KIF6: variants seen among roughly 807,000 people sequenced by gnomAD.
KIF6 encodes kinesin family member 6.
In KIF6, 106 loss-of-function variants were observed where a neutral mutation model predicts 112.7. The ratio of observed to expected loss-of-function variants is 0.94; its 90% CI spans 0.80 to 1.11. The LOEUF (loss-of-function observed/expected upper bound fraction) is 1.11, where lower values mean the gene tolerates loss of function less well. Among genes scored for constraint, KIF6 ranks in the 50% least tolerant of loss-of-function variants. The pLI is 0.00. For synonymous variants in KIF6, 339 were observed against 339.9 expected, an observed-to-expected ratio of 1.00 and a Z score of 0.03; for missense variants, 929 against 964.0, an observed-to-expected ratio of 0.96 and a Z score of 0.48.
Position 39,455,128 on chromosome 6 carries a change from G to A in KIF6, c.1646-23967C>T, listed in dbSNP as rs1772978794. 2.0e-5 allele frequency among the ~76,000 whole-genome samples: 3 copies of A among 152,200 alleles called. No homozygotes were observed. In the South Asian group the frequency reaches 6.2e-4, roughly 32 times the overall value. ...CAGACTTAAATGTCCCTGTCTGACA[G>A]CTTTGAAGAGAGCAGTGGTTCTCAT... On this transcript the variant is annotated intron_variant, in intron 13 of 22. Coordinates refer to ENST00000287152, the MANE Select transcript of KIF6 (RefSeq NM_145027.6).
intron 6 of KIF6, among the ~76,000 whole-genome samples, chr6:39,606,338 C>G (rs1181267840): frequency 1.3e-5 from 2 of 152,036 alleles, no homozygotes; most frequent in Non-Finnish European, 2.9e-5. Flanking sequence ...CTTTAAATAA[C>G]ATACTTAAGA....
At chr6:39,431,925 C>T (rs60509814) in intron 13 of KIF6, among the ~76,000 whole-genome samples, 3,629 of 151,984 alleles carry the variant, frequency 0.024, 144 homozygotes, top group African/African-American at 0.083. Context: ...GAGCTGAATT[C>T]ACCGCTGGAT....
At chr6:39,466,444 C>T (rs955783529) in intron 13 of KIF6, among the ~76,000 whole-genome samples, 1 of 152,188 alleles carries the variant, frequency 6.6e-6, no homozygotes, top group African/African-American at 2.4e-5. Context: ...CAAAGAACAA[C>T]AACAAAAACC....
At chr6:39,618,026 G>A (rs1379359431) in intron 5 of KIF6, among the ~76,000 whole-genome samples, 1 of 152,180 alleles carries the variant, frequency 6.6e-6, no homozygotes, top group Non-Finnish European at 1.5e-5. Flanking sequence ...AGTATGTAAG[G>A]TGACCCCTCC....
At chr6:39,616,561 C>T (rs920681669) in intron 5 of KIF6, among the ~76,000 whole-genome samples, 1 of 152,216 alleles carries the variant, frequency 6.6e-6, no homozygotes, top group Non-Finnish European at 1.5e-5. Context: ...GAAACACAAT[C>T]TTCCCTCACC....
chr6:39,505,343 A>G (rs560141419), intron 13 of KIF6, among the ~76,000 whole-genome samples: 2 of 152,334 alleles, frequency 1.3e-5, no homozygotes, highest in South Asian at 4.2e-4. Context: ...ACATACAAAA[A>G]TCAACTCAAG....
chr6:39,336,067 C>A lies in KIF6; in HGVS notation c.*465G>T. 6.4e-6 allele frequency: 1 copy of A among 155,328 alleles called. No individual in the cohort carries two copies. The highest frequency in any genetic ancestry group is 1.4e-5 in the Non-Finnish European group (1 of 70,222). The allele number at this position is 155,328 out of a possible 1,614,324, so 9.6% of individuals were successfully genotyped here. A position where few individuals can be genotyped will look rare whatever the true frequency, so the allele number is the denominator to read the frequency against. ...GACATCCTGCCTGGACCTGTCATGG[C>A]CATTTCTGGGCTTCCAAACCAGAGC... On this transcript the variant is annotated 3_prime_UTR_variant, in exon 23 of 23. Coordinates refer to ENST00000287152, the MANE Select transcript of KIF6 (RefSeq NM_145027.6).
chr6:39,676,969 A>C (rs1787179316), intron 3 of KIF6, among the ~76,000 whole-genome samples: 4 of 152,084 alleles, frequency 2.6e-5, no homozygotes, highest in Admixed American at 2.6e-4. Context: ...TTATAAAGAG[A>C]CTCAACTAAA....
At chr6:39,722,947 A>C (rs2113910611) in intron 1 of KIF6, among the ~76,000 whole-genome samples, 1 of 152,276 alleles carries the variant, frequency 6.6e-6, no homozygotes, top group East Asian at 1.9e-4. Flanking sequence ...AGAGAAAAGA[A>C]AGTTCAGTAT....
chr6:39,507,171 T>C (rs1776468529), intron 13 of KIF6, among the ~76,000 whole-genome samples: 1 of 151,980 alleles, frequency 6.6e-6, no homozygotes, highest in African/African-American at 2.4e-5. Flanking sequence ...GCATCAGAAG[T>C]GGTGGCAGTG....
intron 15 of KIF6, among the ~76,000 whole-genome samples, chr6:39,416,413 C>T (rs79393900): frequency 0.034 from 5,137 of 152,134 alleles, 143 homozygotes; most frequent in Non-Finnish European, 0.046. Flanking sequence ...GAAAAGCAGC[C>T]GAATGATCTT....
At chr6:39,495,378 T>C (rs1332085284) in intron 13 of KIF6, among the ~76,000 whole-genome samples, 3 of 152,154 alleles carry the variant, frequency 2.0e-5, no homozygotes, top group Non-Finnish European at 4.4e-5. Context: ...GGCAGCAGGA[T>C]TGGGCTCAGT....
At chr6:39,398,142 A>G (rs1445526837) in intron 15 of KIF6, among the ~76,000 whole-genome samples, 1 of 152,214 alleles carries the variant, frequency 6.6e-6, no homozygotes, top group Non-Finnish European at 1.5e-5. Flanking sequence ...GAATATAAAA[A>G]TATTTGTAGG....
chr6:39,697,832 G>A (rs1203747679), intron 3 of KIF6, among the ~76,000 whole-genome samples: 1 of 152,118 alleles, frequency 6.6e-6, no homozygotes, highest in Non-Finnish European at 1.5e-5. Context: ...ACAGGCATGA[G>A]CCACCGTGCC....
intron 19 of KIF6, among the ~76,000 whole-genome samples, chr6:39,355,149 G>A (rs898782593): frequency 1.3e-5 from 2 of 152,124 alleles, no homozygotes; most frequent in African/African-American, 4.8e-5. Context: ...TCACACTGCT[G>A]TACTCCAGCA....
chr6:39,526,846 A>T (rs1258189679), intron 13 of KIF6, among the ~76,000 whole-genome samples: 1 of 152,244 alleles, frequency 6.6e-6, no homozygotes, highest in Non-Finnish European at 1.5e-5. Context: ...CAAAGATCAA[A>T]GTGTGGTCAG....
intron 13 of KIF6, among the ~76,000 whole-genome samples, chr6:39,527,773 G>T (rs138538966): frequency 1.3e-5 from 2 of 151,952 alleles, no homozygotes; most frequent in Non-Finnish European, 2.9e-5. Context: ...AACTCTACAC[G>T]GGTTTCCTTG....
intron 3 of KIF6, among the ~76,000 whole-genome samples, chr6:39,705,324 C>A (rs1373247272): frequency 6.6e-6 from 1 of 152,166 alleles, no homozygotes; most frequent in Non-Finnish European, 1.5e-5. Context: ...ACTTTGAGAA[C>A]CACTGGCCTA....
At chr6:39,592,719 G>A (rs915277225) in intron 7 of KIF6, among the ~76,000 whole-genome samples, 2 of 152,106 alleles carry the variant, frequency 1.3e-5, no homozygotes, top group African/African-American at 4.8e-5. Flanking sequence ...TGTTTTTGAG[G>A]AAACTTTTTG....
Sources: allele counts gnomAD v4.1 joint callset (sites outside exome capture counted in the v4.1 genomes callset), GRCh38; gene constraint gnomAD v4.1.1; transcripts MANE v1.5; gene names NCBI Gene and HGNC (gene_info 2026-07-23, HGNC 2026-07-21).